Variants in TTN observed in about 807,000 individuals in gnomAD.
The protein encoded by TTN is titin.
Under a neutral mutation model 3,223.0 loss-of-function variants are expected in TTN, and 1,525 were observed. The ratio of observed to expected loss-of-function variants is 0.47; its 90% CI spans 0.45 to 0.49. TTN has a LOEUF of 0.49. Among genes scored for constraint, TTN ranks in the 20% least tolerant of loss-of-function variants. The probability of loss-of-function intolerance (pLI) is 0.00; values close to 1 mark genes in which losing one functional copy is unlikely to be tolerated. For synonymous variants in TTN, 14,094 were observed against 15,161.0 expected, an observed-to-expected ratio of 0.93 and a Z score of 5.17; for missense variants, 40,786 against 43,424.0, an observed-to-expected ratio of 0.94 and a Z score of 5.40.
intron 1 of TTN, 79 bp from the exon 2 acceptor site, chr2:178,804,734 AC>A: frequency 7.7e-7 from 1 of 1,293,438 alleles, no homozygotes; most frequent in Non-Finnish European, 1.1e-6. Flanking sequence ...GCAGAGACAC[AC>A]GTTTCTCCAA....
chr2:178,720,274 G>T lies in TTN; in HGVS notation c.23378-10C>A, dbSNP rs72648975. 6.2e-4 allele frequency: 988 copies of T among 1,602,240 alleles called. No homozygotes were observed. Among genetic ancestry groups the T allele is most frequent in the Non-Finnish European group, 7.8e-4 (915 of 1,173,014 alleles). On this transcript the variant is annotated splice_polypyrimidine_tract_variant and intron_variant, in intron 80 of 362. Coordinates refer to ENST00000589042, the MANE Select transcript of TTN (RefSeq NM_001267550.2). ...ACGAATCGTGGAGGTTCTGATGAAA[G>T]AAATTTGTGGTTAGAGGAAAAAATG... is the stretch of plus-strand genomic sequence containing the variant.
At chr2:178,688,050 T>G (rs1001043394) in intron 127 of TTN, 61 bp downstream of exon 127, 5 of 1,401,522 alleles carry the variant, frequency 3.6e-6, no homozygotes, top group Non-Finnish European at 4.0e-6. Context: ...TGTAGACAAT[T>G]TGTGAAAGAA....
rs773967663 is a variant in TTN at position 178,546,413 on chromosome 2, C to T, written c.94918G>A (p.Gly31640Ser). 5.6e-6 allele frequency: 9 copies of T among 1,613,736 alleles called. No homozygotes were observed. The highest frequency in any genetic ancestry group is 7.6e-6 in the Non-Finnish European group (9 of 1,179,750). ...ATAATTTTGGGTTCAGGTTTGCCAC[C>T]AACTGCAGCATCCAGAACAAGATCA... Reference protein sequence around the residue: ...GSDLVLDAAVGGKPEPKIIWT... With the variant: ...GSDLVLDAAVSGKPEPKIIWT... Residue 31640 changes from glycine (G) to serine (S), a missense_variant, in exon 342 of 363, where the codon GGT (glycine) becomes AGT (serine). Physicochemically the swap from Gly to Ser is moderately conservative, Grantham distance 56 (BLOSUM62 0). Coordinates refer to ENST00000589042, the MANE Select transcript of TTN (RefSeq NM_001267550.2).
At chr2:178,669,815 T>C in intron 157 of TTN, 140 bp from the exon 158 acceptor site, 1 of 789,786 alleles carries the variant, frequency 1.3e-6, no homozygotes, top group Non-Finnish European at 2.1e-6. Flanking sequence ...ATGTAGTCAT[T>C]GCATTTCTCT....
At chr2:178,629,559 C>T (rs2059528700) in intron 239 of TTN, 116 bp from the exon 240 acceptor site, 2 of 1,467,278 alleles carry the variant, frequency 1.4e-6, no homozygotes, top group Non-Finnish European at 1.9e-6. Flanking sequence ...ACAGGACTGG[C>T]CACTATTTTA....
chr2:178,579,125 A>G lies in TTN; in HGVS notation c.67905T>C (p.Thr22635=). 3.1e-6 allele frequency: 5 copies of G among 1,613,410 alleles called. No individual in the cohort carries two copies. The highest frequency in any genetic ancestry group is 4.2e-6 in the Non-Finnish European group (5 of 1,179,566). ...LKNVAGTKEG[T]ISIKVVGKPG... ...GCTTGCCAACAACCTTTATGGAGAT[A>G]GTTCCTTCCTTGGTGCCAGCAACAT... The change falls in exon 320 of 363, where the codon ACT becomes ACC. Residue 22635 remains threonine, a synonymous_variant. Coordinates refer to ENST00000589042, the MANE Select transcript of TTN (RefSeq NM_001267550.2).
At chr2:178,667,775 G>A (rs2066232689) in intron 159 of TTN, 54 bp from the exon 160 acceptor site, 2 of 1,283,650 alleles carry the variant, frequency 1.6e-6, no homozygotes, top group South Asian at 2.6e-5. Context: ...GGATAAAGAA[G>A]TGTATTAAGA....
In TTN at chr2:178,571,664, G is replaced by A. The variant is rs368071644; in HGVS notation, c.74468C>T (p.Ala24823Val). 3 of 1,613,436 alleles carry A rather than the reference G, an allele frequency of 1.9e-6. No homozygotes were observed. Among genetic ancestry groups the A allele is most frequent in the Non-Finnish European group, 2.5e-6 (3 of 1,179,596 alleles). Residue 24823 changes from alanine (A) to valine (V), a missense_variant, in exon 326 of 363, where the codon GCT becomes GTT. Transcript: ENST00000589042. ...TGPVKMDEVT[A>V]DSITLSWGPP... ...GCCCCAGGAAAGAGTAATACTATCA[G>A]CTGTCACTTCATCCATTTTAACTGG...
In TTN at chr2:178,671,976, G is replaced by A. The variant is rs768478910; in HGVS notation, c.35222C>T (p.Pro11741Leu). The A allele has an allele frequency of 1.3e-5, 21 of 1,599,712 alleles. No homozygotes were observed. Among genetic ancestry groups the A allele is most frequent in the Non-Finnish European group, 1.7e-5 (20 of 1,176,272 alleles). Residue 11741 changes from proline (P) to leucine (L), a missense_variant, in exon 155 of 363, where the codon CCT (proline) becomes CTT (leucine). Coordinates refer to ENST00000589042, the MANE Select transcript of TTN (RefSeq NM_001267550.2). ...VEVFEKPKAP[P>L]KGPEISEKII... ...ATTTGAAGAATTCCCTATACCTTTA[G>A]GTGGAGCTTTTGGTTTTTCAAATAC...
Position 178,579,972 on chromosome 2 carries a change from G to C in TTN, c.67315C>G (p.Pro22439Ala), listed in dbSNP as rs987188592. The C allele has an allele frequency of 6.2e-7, 1 of 1,613,170 alleles. No homozygotes were observed. Among genetic ancestry groups the C allele is most frequent in the Non-Finnish European group, 8.5e-7 (1 of 1,179,476 alleles). The change falls in exon 318 of 363, where the codon CCC becomes GCC. Residue 22439 changes from proline to alanine, a missense_variant. Pro to Ala is a conservative substitution (Grantham distance 27). Coordinates refer to ENST00000589042, the MANE Select transcript of TTN (RefSeq NM_001267550.2). ...FAENEYGIGDPGETRDAVKAS... is the reference protein window; with the variant it reads ...FAENEYGIGDAGETRDAVKAS... ...TTGACAGCATCACGAGTTTCACCGGGATCACCAATGCCATACTCATTTTCA... is the reference window on the plus strand; with the variant it reads ...TTGACAGCATCACGAGTTTCACCGGCATCACCAATGCCATACTCATTTTCA...
rs1344131184 is a variant in TTN, at chr2:178,732,904, T to G, written c.16272A>C (p.Ala5424=). 2 of 1,613,528 alleles carry G rather than the reference T, an allele frequency of 1.2e-6. No individual in the cohort carries two copies. Among genetic ancestry groups the G allele is most frequent in the Admixed American group, 1.7e-5 (1 of 59,980 alleles). ...TTGTGGCTCGACAAGTGAAATTCCC[T>G]GCATCATTCATGTCTACTCTGATGA... The part of the protein sequence containing the change: ...LEIIRVDMND[A]GNFTCRATNS... Residue 5424 remains alanine (A), a synonymous_variant, in exon 55 of 363, where the codon GCA becomes GCC. Coordinates refer to ENST00000589042, the MANE Select transcript of TTN (RefSeq NM_001267550.2).
chr2:178,788,526 G>A (rs1451654273), intron 13 of TTN, among the ~76,000 whole-genome samples: 1 of 152,012 alleles, frequency 6.6e-6, no homozygotes, highest in Non-Finnish European at 1.5e-5. Context: ...AGAAAAAAAA[G>A]ATGTAGAGTC....
Position 178,544,015 on chromosome 2 carries a change from A to C in TTN, c.96129T>G (p.Pro32043=), listed in dbSNP as rs1695862380. Residue 32043 remains proline (P), a synonymous_variant, in exon 346 of 363, where the codon CCT becomes CCG. Transcript: ENST00000589042. ...RLMVSVSGRP[P]PVITWSKQGI... ...CCTGCTTGCTCCACGTTATGACAGG[A>C]GGTGGTCTTCCAGATACAGACACCA... 6.2e-7 allele frequency: 1 copy of C among 1,613,464 alleles called. No homozygotes were observed. Among genetic ancestry groups the C allele is most frequent in the South Asian group, 1.1e-5 (1 of 91,074 alleles).
intron 103 of TTN, 72 bp from the exon 104 acceptor site, chr2:178,705,038 A>G (rs1354502873): frequency 1.3e-6 from 2 of 1,584,742 alleles, no homozygotes; most frequent in East Asian, 2.2e-5. Context: ...GACTATATTC[A>G]GCTTCCATTC....
rs1340023631 is a variant in TTN, at chr2:178,734,539, C to T, written c.15285G>A (p.Gln5095=). The stretch of plus-strand genomic sequence containing the variant: ...ATGGTCCAGTGCCTGAGACTTCACA[C>T]TGAAGTAGAGCATTTGTTCCTCTCA... ...DIVRGTNALL[Q]CEVSGTGPFE... is the part of the protein sequence containing the mutation. The change falls in exon 52 of 363, where the codon CAG becomes CAA. Residue 5095 remains glutamine (Q), a synonymous_variant. Transcript: ENST00000589042. 1 of 1,610,378 alleles carries T rather than the reference C, an allele frequency of 6.2e-7. No homozygotes were observed. The highest frequency in any genetic ancestry group is 1.1e-5 in the South Asian group (1 of 90,466).
In TTN at chr2:178,780,135, T is replaced by C. The variant is rs1425093858; in HGVS notation, c.3594A>G (p.Gln1198=). 6.2e-7 allele frequency: 1 copy of C among 1,613,916 alleles called. No individual in the cohort carries two copies. The highest frequency in any genetic ancestry group is 1.7e-5 in the Admixed American group (1 of 60,010). Residue 1198 remains glutamine, a synonymous_variant, in exon 22 of 363, where the codon CAA becomes CAG. Coordinates refer to ENST00000589042, the MANE Select transcript of TTN (RefSeq NM_001267550.2). ...GTGCTGTTTCTCCAACTTTAGGTTCTTGAACAAATGCAGTCACTTGTGTCT... is the reference window on the plus strand; with the variant it reads ...GTGCTGTTTCTCCAACTTTAGGTTCCTGAACAAATGCAGTCACTTGTGTCT... ...LYQTQVTAFV[Q]EPKVGETAPG...
In TTN at chr2:178,567,922, A is replaced by G. The variant is rs1221675764; in HGVS notation, c.78210T>C (p.Ile26070=). Residue 26070 remains isoleucine, a synonymous_variant, in exon 326 of 363, where the codon ATT becomes ATC. Transcript: ENST00000589042. ...TCTTGCTTGCTTTGCCTACACCAACAATATTTTCAGCATACACTCTGAATT... is the reference window on the plus strand; with the variant it reads ...TCTTGCTTGCTTTGCCTACACCAACGATATTTTCAGCATACACTCTGAATT... ...EYEFRVYAEN[I]VGVGKASKNS... The G allele has an allele frequency of 1.9e-6, 3 of 1,613,422 alleles. No homozygotes were observed. Among genetic ancestry groups the G allele is most frequent in the Non-Finnish European group, 2.5e-6 (3 of 1,179,604 alleles).
rs1468368780 is a variant in TTN, at chr2:178,531,139, G to T, written c.105476C>A (p.Thr35159Asn). 1 of 1,614,012 alleles carries T rather than the reference G, an allele frequency of 6.2e-7. No individual in the cohort carries two copies. The highest frequency in any genetic ancestry group is 8.5e-7 in the Non-Finnish European group (1 of 1,179,880). ...TTGTCCTTTACGCAGCCAGGTCACAGTTGGTACCGGCTCACCATCGGTGTC... is the reference window on the plus strand; with the variant it reads ...TTGTCCTTTACGCAGCCAGGTCACATTTGGTACCGGCTCACCATCGGTGTC... ...SCDTDGEPVP[T>N]VTWLRKGQVL... The change falls in exon 358 of 363, where the codon ACT (threonine) becomes AAT (asparagine). Residue 35159 changes from threonine to asparagine, a missense_variant. Thr to Asn is a moderately conservative substitution (Grantham distance 65). Transcript: ENST00000589042.
chr2:178,663,963 G>C, intron 169 of TTN, 52 bp downstream of exon 169: 1 of 1,609,662 alleles, frequency 6.2e-7, no homozygotes. Context: ...AAAAAATATT[G>C]TCAAGAGCAG....
Sources: allele counts gnomAD v4.1 joint callset (sites outside exome capture counted in the v4.1 genomes callset), GRCh38; gene constraint gnomAD v4.1.1; transcripts MANE v1.5; gene names NCBI Gene and HGNC (gene_info 2026-07-23, HGNC 2026-07-21).